Variants in KICS2 observed in about 807,000 individuals in gnomAD.
KICS2 encodes the protein KICSTOR complex protein C12orf66.
KICS2 carries 13 observed loss-of-function variants against 31.4 expected under a neutral mutation model. That is an observed-to-expected ratio of 0.41 (90% CI 0.27 to 0.66). KICS2 has a LOEUF of 0.66. KICS2 is among the 30% of genes least tolerant of loss of function. KICS2 has a pLI of 0.28. For missense variants in KICS2, 455 were observed against 545.4 expected, an observed-to-expected ratio of 0.83 and a Z score of 1.65; for synonymous variants, 209 against 214.8, an observed-to-expected ratio of 0.97 and a Z score of 0.24.
downstream of KICS2, among the ~76,000 whole-genome samples, chr12:64,189,941 C>T (rs1045071629): frequency 1.3e-5 from 2 of 151,866 alleles, no homozygotes; most frequent in African/African-American, 4.8e-5. Context: ...TAAAATACCT[C>T]GCTCAGTAAT....
chr12:64,204,153 C>A (rs149031007), intron 2 of KICS2, among the ~76,000 whole-genome samples: 8 of 113,432 alleles, frequency 7.1e-5, no homozygotes, highest in Admixed American at 1.9e-4. Flanking sequence ...AGGAGCTGAA[C>A]AATGAGAACA....
At chr12:64,205,190 A>G (rs2037525645) in intron 2 of KICS2, among the ~76,000 whole-genome samples, 1 of 152,208 alleles carries the variant, frequency 6.6e-6, no homozygotes, top group Non-Finnish European at 1.5e-5. Flanking sequence ...GAAAATCATC[A>G]TTCAAATCCA....
intron 1 of KICS2, among the ~76,000 whole-genome samples, chr12:64,218,665 C>T (rs1363897879): frequency 6.8e-6 from 1 of 147,370 alleles, no homozygotes; most frequent in African/African-American, 2.5e-5. Context: ...TTTAACTTCA[C>T]ATTGAAAAAG....
intron 2 of KICS2, among the ~76,000 whole-genome samples, chr12:64,204,347 A>C (rs2037517964): frequency 6.6e-6 from 1 of 152,228 alleles, no homozygotes; most frequent in Non-Finnish European, 1.5e-5. Context: ...CATTCTGCAC[A>C]TGTACCCCAG....
rs1473202107 is a variant in KICS2 at position 64,193,492 on chromosome 12, T to C, written c.*350A>G. ...AGGGAAACAGAGAGGCTGTTTGGAA[T>C]TGCAGTAGAACACAATGTTTAGAAC... On this transcript the variant is annotated 3_prime_UTR_variant, in exon 3 of 3. Coordinates refer to ENST00000398055, the MANE Select transcript of KICS2 (RefSeq NM_152440.5). The C allele has an allele frequency of 3.1e-5, 32 of 1,024,180 alleles. No individual in the cohort carries two copies. The highest frequency in any genetic ancestry group is 9.1e-5 in the East Asian group (1 of 11,014). 63.4% of individuals were successfully genotyped at this position (1,024,180 alleles called of 1,614,324 possible).
rs2136685189 is a variant in KICS2, at chr12:64,192,234, C to A, written c.*1608G>T. On this transcript the variant is annotated 3_prime_UTR_variant, in exon 3 of 3. Transcript: ENST00000398055. ...CCACCTCCCAGGTTCAAGCAATTCTCCTGCCTCAGCCTCCAGAGTAACTGG... is the reference window on the plus strand; with the variant it reads ...CCACCTCCCAGGTTCAAGCAATTCTACTGCCTCAGCCTCCAGAGTAACTGG... 1 of 152,202 alleles carries A rather than the reference C, an allele frequency of 6.6e-6. No individual in the cohort carries two copies. Among genetic ancestry groups the A allele is most frequent in the Non-Finnish European group, 1.5e-5 (1 of 68,188 alleles). The allele number at this position is 152,202 out of a possible 1,614,324, so 9.4% of individuals were successfully genotyped here. A position where few individuals can be genotyped will look rare whatever the true frequency, so the allele number is the denominator to read the frequency against.
chr12:64,194,251 G>A lies in KICS2; in HGVS notation c.929C>T (p.Ala310Val), dbSNP rs1219963132. Reference sequence around the variant, plus strand: ...GTCAAAAATTAAGGACACATTGGCAGCATCATATTTTCTGATGAAGCTGGA... The same window carrying A: ...GTCAAAAATTAAGGACACATTGGCAACATCATATTTTCTGATGAAGCTGGA... The part of the protein sequence containing the change: ...KISSFIRKYD[A>V]ANVSLIFDNR... Residue 310 changes from alanine (A) to valine (V), a missense_variant, in exon 3 of 3, where the codon GCT becomes GTT. Physicochemically the swap from Ala to Val is moderately conservative, Grantham distance 64. Coordinates refer to ENST00000398055, the MANE Select transcript of KICS2 (RefSeq NM_152440.5). The A allele has an allele frequency of 3.1e-6, 5 of 1,614,054 alleles. No homozygotes were observed. The highest frequency in any genetic ancestry group is 4.2e-6 in the Non-Finnish European group (5 of 1,180,034).
chr12:64,203,056 C>T (rs1456602024), intron 2 of KICS2, among the ~76,000 whole-genome samples: 1 of 152,120 alleles, frequency 6.6e-6, no homozygotes, highest in Non-Finnish European at 1.5e-5. Flanking sequence ...AGTAGTTTGA[C>T]CATACAATTT....
At position 64,197,452 on chromosome 12, in the gene KICS2, A is replaced by C. The variant is rs200428015; in HGVS notation, c.522-2794T>G. ...CCCTAAAAGAGCTCCTGAAGGAAGC[A>C]CTAAACATGGAAAGGAACAACCAGT... On this transcript the variant is annotated intron_variant, in intron 2 of 2. Coordinates refer to ENST00000398055, the MANE Select transcript of KICS2 (RefSeq NM_152440.5). 2.1e-3 allele frequency among the ~76,000 whole-genome samples: 307 copies of C among 149,432 alleles called. 2 individuals carry two copies. The East Asian group carries it at 0.031, about 15-fold the overall frequency.
chr12:64,221,998 G>A lies in KICS2; in HGVS notation c.235+5C>T, dbSNP rs2037688344. 1 of 1,612,270 alleles carries A rather than the reference G, an allele frequency of 6.2e-7. No homozygotes were observed. Among genetic ancestry groups the A allele is most frequent in the Admixed American group, 1.7e-5 (1 of 59,852 alleles). On this transcript the variant is annotated splice_donor_5th_base_variant and intron_variant, in intron 1 of 2. Coordinates refer to ENST00000398055, the MANE Select transcript of KICS2 (RefSeq NM_152440.5). ...CAAGGGGCTCGGGGGGCGGGGCGGA[G>A]GTACCTAGTTTCTGCCCCAGGTAGG...
At chr12:64,205,768 G>A in intron 2 of KICS2, among the ~76,000 whole-genome samples, 1 of 124,646 alleles carries the variant, frequency 8.0e-6, no homozygotes, top group African/African-American at 3.9e-5. Context: ...AGGGAAGGAA[G>A]GAAAAAGGGA....
In KICS2 at chr12:64,196,764, T is replaced by C. The variant is rs879930102; in HGVS notation, c.522-2106A>G. On this transcript the variant is annotated intron_variant, in intron 2 of 2. Transcript: ENST00000398055. Reference sequence around the variant, plus strand: ...ACAGAGAAGTGCTTAAAGGAGCTGATGGAGCTGAAAACCAAGGCTCGAGAA... The same window carrying C: ...ACAGAGAAGTGCTTAAAGGAGCTGACGGAGCTGAAAACCAAGGCTCGAGAA... Among the ~76,000 whole-genome samples, 642 of 145,518 alleles carry C rather than the reference T, an allele frequency of 4.4e-3. 3 individuals carry two copies. Among genetic ancestry groups the C allele is most frequent in the Non-Finnish European group, 7.2e-3 (477 of 66,232 alleles).
downstream of KICS2, among the ~76,000 whole-genome samples, chr12:64,190,727 C>T (rs789750): frequency 0.48 from 73,112 of 150,854 alleles, 17,852 homozygotes; most frequent in Non-Finnish European, 0.52. Flanking sequence ...CCAGCCTGGG[C>T]GACAGACCTT....
Position 64,213,087 on chromosome 12 carries a change from CA to C in KICS2, c.521+2590del, listed in dbSNP as rs1235001391. Among the ~76,000 whole-genome samples the C allele has an allele frequency of 8.5e-3, 586 of 69,014 alleles. 1 individual carries two copies. Among genetic ancestry groups the C allele is most frequent in the African/African-American group, 0.024 (424 of 17,452 alleles). 45.3% of individuals were successfully genotyped at this position (69,014 alleles called of 152,430 possible). A position where few individuals can be genotyped will look rare whatever the true frequency, so the allele number is the denominator to read the frequency against. Reference sequence around the variant, plus strand: ...CCTGGGCAACAGAGCGAGACAAACTCAAAAAAAAAAAAAAAAAAGAAAAGAA... The same window carrying C: ...CCTGGGCAACAGAGCGAGACAAACTCAAAAAAAAAAAAAAAAAGAAAAGAA... On this transcript the variant is annotated intron_variant, in intron 2 of 2. Transcript: ENST00000398055.
Position 64,191,610 on chromosome 12 carries a change from G to A in KICS2, c.*2232C>T, listed in dbSNP as rs1254442664. ...TGGCAGAACACAATAGAGAGGAAAAGTGATTTGACTTTTTAGCTCCAATTG... is the reference window on the plus strand; with the variant it reads ...TGGCAGAACACAATAGAGAGGAAAAATGATTTGACTTTTTAGCTCCAATTG... On this transcript the variant is annotated 3_prime_UTR_variant, in exon 3 of 3. Coordinates refer to ENST00000398055, the MANE Select transcript of KICS2 (RefSeq NM_152440.5). The A allele has an allele frequency of 1.3e-5, 2 of 152,136 alleles. No homozygotes were observed. The highest frequency in any genetic ancestry group is 6.6e-5 in the Admixed American group (1 of 15,262). The allele number at this position is 152,136 out of a possible 1,614,324, so 9.4% of individuals were successfully genotyped here.
intron 1 of KICS2, among the ~76,000 whole-genome samples, chr12:64,217,965 A>C (rs914262121): frequency 6.6e-6 from 1 of 152,210 alleles, no homozygotes; most frequent in East Asian, 1.9e-4. Context: ...TTAGTTTATG[A>C]ATTTGTGTTG....
chr12:64,187,661 A>G, downstream of KICS2: 1 of 1,535,246 alleles, frequency 6.5e-7, no homozygotes, highest in Non-Finnish European at 8.7e-7. Context: ...ACCTGGTAGA[A>G]AAGTAGAGAG....
intron 2 of KICS2, among the ~76,000 whole-genome samples, chr12:64,203,412 C>A (rs2037508418): frequency 6.6e-6 from 1 of 152,274 alleles, no homozygotes; most frequent in African/African-American, 2.4e-5. Flanking sequence ...CTACATCAAG[C>A]GCTTACACTC....
intron 2 of KICS2, among the ~76,000 whole-genome samples, chr12:64,195,876 T>G (rs932083180): frequency 4.6e-5 from 7 of 152,224 alleles, no homozygotes; most frequent in African/African-American, 1.7e-4. Flanking sequence ...CCCACCCGAA[T>G]ACTGCGCTTT....
Sources: allele counts gnomAD v4.1 joint callset (sites outside exome capture counted in the v4.1 genomes callset), GRCh38; gene constraint gnomAD v4.1.1; transcripts MANE v1.5; gene names NCBI Gene and HGNC (gene_info 2026-07-23, HGNC 2026-07-21).